FHIT: variants seen among roughly 807,000 people sequenced by gnomAD.
The protein encoded by FHIT is bis(5'-adenosyl)-triphosphatase.
FHIT carries 19 observed loss-of-function variants against 17.9 expected under a neutral mutation model. That is an observed-to-expected ratio of 1.06 (90% CI 0.74 to 1.56). FHIT has a LOEUF of 1.56. FHIT is among the 40% of genes most tolerant of loss of function. FHIT has a pLI of 0.00. For synonymous variants in FHIT, 81 were observed against 69.7 expected (o/e 1.16, Z -0.81); for missense variants, 248 against 189.2 (o/e 1.31, Z -1.82).
intron 5 of FHIT, among the ~76,000 whole-genome samples, chr3:60,252,162 G>A (rs527835983): frequency 5.9e-5 from 9 of 152,212 alleles, no homozygotes; most frequent in Admixed American, 3.9e-4. Flanking sequence ...GTTGTTAAAG[G>A]TTCTGTGTTA....
At chr3:60,787,268 A>G (rs1342129264) in intron 4 of FHIT, among the ~76,000 whole-genome samples, 1 of 152,218 alleles carries the variant, frequency 6.6e-6, no homozygotes, top group Non-Finnish European at 1.5e-5. Context: ...ACAAATTAGC[A>G]TAAAATCCCT....
intron 2 of FHIT, among the ~76,000 whole-genome samples, chr3:61,059,181 A>G (rs189778184): frequency 6.6e-5 from 10 of 152,256 alleles, no homozygotes; most frequent in African/African-American, 2.4e-4. Flanking sequence ...TTGAACAGTT[A>G]TAGTAACTTT....
chr3:59,858,758 G>A (rs1702283923), intron 8 of FHIT, among the ~76,000 whole-genome samples: 2 of 152,084 alleles, frequency 1.3e-5, no homozygotes, highest in Admixed American at 1.3e-4. Flanking sequence ...TTGAACAAAT[G>A]AGTATATATA....
chr3:59,853,777 C>G (rs1702036995), intron 8 of FHIT, among the ~76,000 whole-genome samples: 1 of 152,132 alleles, frequency 6.6e-6, no homozygotes, highest in Non-Finnish European at 1.5e-5. Context: ...CATGTTGGAA[C>G]TTCCCAGAGA....
At chr3:60,182,948 G>A (rs959303650) in intron 5 of FHIT, among the ~76,000 whole-genome samples, 2 of 151,642 alleles carry the variant, frequency 1.3e-5, no homozygotes, top group Non-Finnish European at 2.9e-5. Context: ...AAAAACAATG[G>A]AGGGTTCCAC....
At chr3:59,956,809 T>C (rs1198994647) in intron 7 of FHIT, among the ~76,000 whole-genome samples, 1 of 152,242 alleles carries the variant, frequency 6.6e-6, no homozygotes, top group Non-Finnish European at 1.5e-5. Flanking sequence ...AACTACTACC[T>C]GGCAGAAGAA....
chr3:60,879,223 C>A (rs1704839788), intron 3 of FHIT, among the ~76,000 whole-genome samples: 1 of 152,130 alleles, frequency 6.6e-6, no homozygotes, highest in African/African-American at 2.4e-5. Flanking sequence ...TTTTGATTTG[C>A]ATTTCTCTGA....
intron 1 of FHIT, among the ~76,000 whole-genome samples, chr3:61,202,067 TACACACAC>T (rs143994045): frequency 1.3e-5 from 2 of 148,610 alleles, no homozygotes; most frequent in Admixed American, 1.3e-4. Flanking sequence ...CGCACATAGA[TACACACAC>T]ACACACACAC....
At chr3:60,642,373 C>T (rs1553685527) in intron 4 of FHIT, among the ~76,000 whole-genome samples, 1 of 152,188 alleles carries the variant, frequency 6.6e-6, no homozygotes, top group Non-Finnish European at 1.5e-5. Context: ...AAAGCTAATT[C>T]AGTCAGACCC....
At chr3:61,052,065 C>A (rs1190375171) in intron 2 of FHIT, among the ~76,000 whole-genome samples, 1 of 152,142 alleles carries the variant, frequency 6.6e-6, no homozygotes. Context: ...AAATGTGTGA[C>A]CTAAATGAGG....
At chr3:60,493,519 T>G (rs941640712) in intron 5 of FHIT, among the ~76,000 whole-genome samples, 6 of 152,184 alleles carry the variant, frequency 3.9e-5, no homozygotes, top group Non-Finnish European at 7.4e-5. Flanking sequence ...ATATATAAGC[T>G]GCAATGTCAA....
intron 7 of FHIT, among the ~76,000 whole-genome samples, chr3:59,951,944 G>T (rs1166425590): frequency 1.3e-5 from 2 of 152,076 alleles, no homozygotes; most frequent in African/African-American, 4.8e-5. Context: ...GTGCCACTGA[G>T]CATGCCAATC....
chr3:60,638,280 G>T (rs1158669737), intron 4 of FHIT, among the ~76,000 whole-genome samples: 2 of 152,158 alleles, frequency 1.3e-5, no homozygotes, highest in Non-Finnish European at 2.9e-5. Context: ...AAAGCAGGAG[G>T]AATGACAGAT....
intron 2 of FHIT, among the ~76,000 whole-genome samples, chr3:61,057,760 G>A (rs12107532): frequency 0.14 from 21,469 of 152,122 alleles, 1,976 homozygotes; most frequent in African/African-American, 0.26. Context: ...AGCCAGATGA[G>A]GAGTCAAGCG....
At chr3:60,224,628 T>G (rs2173056) in intron 5 of FHIT, among the ~76,000 whole-genome samples, 22,681 of 152,176 alleles carry the variant, frequency 0.15, 2,344 homozygotes, top group East Asian at 0.56. Flanking sequence ...GACAACAAAT[T>G]ATATGTCCAC....
intron 5 of FHIT, among the ~76,000 whole-genome samples, chr3:60,445,569 C>A (rs1024833580): frequency 6.6e-6 from 1 of 151,932 alleles, no homozygotes; most frequent in Non-Finnish European, 1.5e-5. Context: ...CATTCCTGAT[C>A]GTTTATCATT....
At chr3:59,934,321 A>G (rs1270607026) in intron 7 of FHIT, among the ~76,000 whole-genome samples, 1 of 152,160 alleles carries the variant, frequency 6.6e-6, no homozygotes, top group Non-Finnish European at 1.5e-5. Flanking sequence ...ACTACTATCA[A>G]CACTCTGGTA....
chr3:60,698,074 T>C (rs1553701148), intron 4 of FHIT, among the ~76,000 whole-genome samples: 5 of 152,170 alleles, frequency 3.3e-5, no homozygotes, highest in Non-Finnish European at 7.4e-5. Context: ...TTAAAAAATA[T>C]CCTGAATTGC....
intron 4 of FHIT, among the ~76,000 whole-genome samples, chr3:60,591,311 G>A (rs927961904): frequency 5.9e-5 from 9 of 151,992 alleles, no homozygotes; most frequent in African/African-American, 2.2e-4. Context: ...CCTCTAGTTT[G>A]GAGGCCCACC....
Sources: gnomAD v4.1 joint callset for allele counts (sites outside exome capture counted in the v4.1 genomes callset) on GRCh38, gnomAD v4.1.1 for gene constraint, MANE v1.5 for transcripts, NCBI Gene and HGNC (gene_info 2026-07-23, HGNC 2026-07-21) for gene names.